The following CNTN4 variants were observed in gnomAD, a reference collection of about 807,000 sequenced individuals.
CNTN4 encodes contactin 4.
A neutral mutation model predicts 122.5 loss-of-function variants in CNTN4; 77 were observed. The observed-to-expected ratio is 0.63, with a 90% CI of 0.52 to 0.76. The LOEUF (loss-of-function observed/expected upper bound fraction) is 0.76, where lower values mean the gene tolerates loss of function less well. Ranked by LOEUF, CNTN4 falls within the 30% of genes least tolerant of loss-of-function variation. The pLI is 0.00. For synonymous variants in CNTN4, 512 were observed against 447.0 expected, an observed-to-expected ratio of 1.15 and a Z score of -1.83; for missense variants, 1,256 against 1,259.1, an observed-to-expected ratio of 1.00 and a Z score of 0.04.
intron 3 of CNTN4, among the ~76,000 whole-genome samples, chr3:2,399,693 T>C (rs1419011374): frequency 6.6e-6 from 1 of 152,092 alleles, no homozygotes; most frequent in Non-Finnish European, 1.5e-5. Context: ...TGTTCGAGTA[T>C]GATATGAGGA....
At chr3:2,923,047 C>T (rs1577286638) in intron 12 of CNTN4, among the ~76,000 whole-genome samples, 1 of 152,146 alleles carries the variant, frequency 6.6e-6, no homozygotes, top group Non-Finnish European at 1.5e-5. Flanking sequence ...TTTCTGGTTT[C>T]TGTGTGTCTG....
At chr3:2,293,915 G>T (rs2042217098) in intron 2 of CNTN4, among the ~76,000 whole-genome samples, 1 of 152,144 alleles carries the variant, frequency 6.6e-6, no homozygotes, top group Non-Finnish European at 1.5e-5. Flanking sequence ...CTAATTTAGT[G>T]TACAATTCTG....
At chr3:2,673,577 G>A (rs1433132189) in intron 4 of CNTN4, among the ~76,000 whole-genome samples, 1 of 152,086 alleles carries the variant, frequency 6.6e-6, no homozygotes, top group African/African-American at 2.4e-5. Context: ...GTCTCATTCT[G>A]TCGCCCAGGC....
chr3:2,343,673 T>G (rs62244013), intron 3 of CNTN4, among the ~76,000 whole-genome samples: 19,435 of 152,282 alleles, frequency 0.13, 1,539 homozygotes, highest in Non-Finnish European at 0.18. Flanking sequence ...ATTCTTTTGT[T>G]GCTTTGTGTG....
chr3:2,805,182 A>G (rs1384157651), intron 6 of CNTN4, among the ~76,000 whole-genome samples: 1 of 152,152 alleles, frequency 6.6e-6, no homozygotes, highest in Non-Finnish European at 1.5e-5. Context: ...TGTCTTAAAA[A>G]AAAAAAGTAT....
rs776028975 is a variant in CNTN4 at position 2,900,691 on chromosome 3, C to G, written c.947C>G (p.Pro316Arg). ...GCTTTTTGGATGCCTATAGCTCAAC[C>G]TAATTGGATTCAAAAAATAAATGAT... is the stretch of plus-strand genomic sequence containing the variant. ...ARGQLTFYAQPNWIQKINDIH... is the reference protein window; with the variant it reads ...ARGQLTFYAQRNWIQKINDIH... Residue 316 changes from proline to arginine, a missense_variant, in exon 11 of 25, where the codon CCT becomes CGT. Pro to Arg is a moderately radical substitution (Grantham distance 103, BLOSUM62 -2). Coordinates refer to ENST00000418658, the MANE Select transcript of CNTN4 (RefSeq NM_175607.3). The G allele has an allele frequency of 1.2e-6, 2 of 1,613,642 alleles. No individual in the cohort carries two copies. Among genetic ancestry groups the G allele is most frequent in the Non-Finnish European group, 8.5e-7 (1 of 1,179,652 alleles).
intron 6 of CNTN4, among the ~76,000 whole-genome samples, chr3:2,805,006 C>T (rs2092432205): frequency 6.6e-6 from 1 of 151,286 alleles, no homozygotes; most frequent in African/African-American, 2.5e-5. Flanking sequence ...GAAATCCCAT[C>T]TCTACTAAAA....
chr3:2,196,026 A>T (rs2037816211), intron 2 of CNTN4, among the ~76,000 whole-genome samples: 1 of 152,188 alleles, frequency 6.6e-6, no homozygotes, highest in Non-Finnish European at 1.5e-5. Context: ...AAATCTAGAG[A>T]TGATATAGAA....
At chr3:2,294,060 A>G (rs2042221347) in intron 2 of CNTN4, among the ~76,000 whole-genome samples, 1 of 152,186 alleles carries the variant, frequency 6.6e-6, no homozygotes, top group African/African-American at 2.4e-5. Flanking sequence ...TCAGCCAGCC[A>G]GCTTTCCCTA....
intron 4 of CNTN4, among the ~76,000 whole-genome samples, chr3:2,644,936 C>T (rs528059755): frequency 6.6e-6 from 1 of 150,730 alleles, no homozygotes; most frequent in South Asian, 2.1e-4. Flanking sequence ...ATTAATGCCT[C>T]CTTTCCCAGT....
intron 5 of CNTN4, among the ~76,000 whole-genome samples, chr3:2,742,871 T>A (rs2089536106): frequency 6.6e-6 from 1 of 152,214 alleles, no homozygotes; most frequent in South Asian, 2.1e-4. Context: ...GCAATCCACA[T>A]TCAATTGGAA....
At chr3:2,656,903 C>T (rs867352081) in intron 4 of CNTN4, among the ~76,000 whole-genome samples, 13 of 152,268 alleles carry the variant, frequency 8.5e-5, no homozygotes, top group Non-Finnish European at 1.3e-4. Flanking sequence ...GAGAATAGCT[C>T]ATTGGGAGTT....
chr3:2,885,659 A>G (rs2093965809), intron 9 of CNTN4, among the ~76,000 whole-genome samples: 1 of 152,222 alleles, frequency 6.6e-6, no homozygotes, highest in Non-Finnish European at 1.5e-5. Context: ...TCTGTTATCT[A>G]TTGCTACATA....
rs147880444 is a variant in CNTN4, at chr3:2,902,759, C to T, written c.1078-117C>T. 97 of 1,056,362 alleles carry T rather than the reference C, an allele frequency of 9.2e-5. No homozygotes were observed. The East Asian group carries it at 2.3e-3, about 26-fold the overall frequency. 65.4% of individuals were successfully genotyped at this position (1,056,362 alleles called of 1,614,324 possible). On this transcript the variant is annotated intron_variant, in intron 11 of 24. Transcript: ENST00000418658. ...TAAATAGATCATGTTATGTAAATTG[C>T]TTATATGATGGCTGTTTTCTTCCCA...
chr3:2,480,264 C>G (rs2075953786), intron 3 of CNTN4, among the ~76,000 whole-genome samples: 1 of 151,556 alleles, frequency 6.6e-6, no homozygotes, highest in South Asian at 2.1e-4. Flanking sequence ...ATGTTTTTAG[C>G]TAATGCAACA....
At chr3:2,485,603 T>C (rs1180156784) in intron 3 of CNTN4, among the ~76,000 whole-genome samples, 1 of 152,054 alleles carries the variant, frequency 6.6e-6, no homozygotes, top group African/African-American at 2.4e-5. Context: ...CAATCAGCAC[T>C]CTGTATCTAG....
In CNTN4 at chr3:2,429,691, C is replaced by T. The variant is rs147620340; in HGVS notation, c.-89+90458C>T. 2.7e-3 allele frequency among the ~76,000 whole-genome samples: 409 copies of T among 152,306 alleles called. 1 individual carries two copies. Among genetic ancestry groups the T allele is most frequent in the African/African-American group, 9.2e-3 (382 of 41,568 alleles). On this transcript the variant is annotated intron_variant, in intron 3 of 24. Coordinates refer to ENST00000418658, the MANE Select transcript of CNTN4 (RefSeq NM_175607.3). The stretch of plus-strand genomic sequence containing the variant: ...CCATGCCCCGAAGAGTTGGAGTCTA[C>T]AGAGGCAGGCAGGCCTCCTTGAGCT...
intron 3 of CNTN4, among the ~76,000 whole-genome samples, chr3:2,396,577 A>G (rs2046648438): frequency 6.6e-6 from 1 of 151,954 alleles, no homozygotes. Context: ...GCTTAAAAAG[A>G]TGGAGCTACC....
At chr3:2,219,392 T>C (rs1310947864) in intron 2 of CNTN4, among the ~76,000 whole-genome samples, 1 of 152,224 alleles carries the variant, frequency 6.6e-6, no homozygotes, top group African/African-American at 2.4e-5. Flanking sequence ...TTTAATTTTA[T>C]TTCTTTGACT....
Sources: allele counts gnomAD v4.1 joint callset (sites outside exome capture counted in the v4.1 genomes callset), GRCh38; gene constraint gnomAD v4.1.1; transcripts MANE v1.5; gene names NCBI Gene and HGNC (gene_info 2026-07-23, HGNC 2026-07-21).